FRAS1: variants seen among roughly 807,000 people sequenced by gnomAD.
FRAS1 encodes the protein extracellular matrix organizing protein FRAS1.
A neutral mutation model predicts 435.2 loss-of-function variants in FRAS1; 290 were observed. That is an observed-to-expected ratio of 0.67 (90% confidence interval 0.61 to 0.73). The LOEUF (loss-of-function observed/expected upper bound fraction) is 0.73, where lower values mean the gene tolerates loss of function less well. Among genes scored for constraint, FRAS1 ranks in the 30% least tolerant of loss-of-function variants. The pLI is 0.00. For synonymous variants in FRAS1, 1,800 were observed against 1,851.0 expected, an observed-to-expected ratio of 0.97 and a Z score of 0.71; for missense variants, 4,860 against 5,001.5, an observed-to-expected ratio of 0.97 and a Z score of 0.85.
intron 2 of FRAS1, among the ~76,000 whole-genome samples, chr4:78,193,900 T>C (rs12640251): frequency 0.67 from 101,993 of 151,388 alleles, 34,550 homozygotes; most frequent in African/African-American, 0.73. Context: ...GTTTTTGCAG[T>C]GGCTGGTACT....
intron 20 of FRAS1, among the ~76,000 whole-genome samples, chr4:78,343,698 T>A (rs927629083): frequency 1.3e-5 from 2 of 152,180 alleles, no homozygotes; most frequent in African/African-American, 4.8e-5. Flanking sequence ...ACATCTTTAT[T>A]TTGGAATAAG....
intron 2 of FRAS1, among the ~76,000 whole-genome samples, chr4:78,137,683 G>C (rs1189078466): frequency 6.6e-6 from 1 of 152,200 alleles, no homozygotes; most frequent in Non-Finnish European, 1.5e-5. Flanking sequence ...CTCTGTGAAG[G>C]AGAGATGAAT....
At chr4:78,354,393 G>A (rs895310558) in intron 20 of FRAS1, among the ~76,000 whole-genome samples, 3 of 152,180 alleles carry the variant, frequency 2.0e-5, no homozygotes, top group Non-Finnish European at 4.4e-5. Flanking sequence ...CTAATTCAAA[G>A]CCTCTAAAGA....
intron 9 of FRAS1, among the ~76,000 whole-genome samples, chr4:78,275,171 A>G (rs968333289): frequency 5.9e-5 from 9 of 152,042 alleles, no homozygotes; most frequent in African/African-American, 2.2e-4. Flanking sequence ...TGCTTGGTAG[A>G]TCTTCCTCCA....
At chr4:78,309,924 G>A (rs898805293) in intron 15 of FRAS1, among the ~76,000 whole-genome samples, 9 of 152,136 alleles carry the variant, frequency 5.9e-5, no homozygotes, top group East Asian at 3.9e-4. Context: ...TTGAGTTATC[G>A]TCCTCATTTT....
At chr4:78,268,577 A>G (rs905120878) in intron 9 of FRAS1, among the ~76,000 whole-genome samples, 15 of 152,194 alleles carry the variant, frequency 9.9e-5, no homozygotes, top group Admixed American at 9.2e-4. Context: ...CATTTTATTA[A>G]GGACTTAATT....
rs1719031324 is a variant in FRAS1 at position 78,451,836 on chromosome 4, G to C, written c.6528G>C (p.Val2176=). 1.9e-6 allele frequency: 3 copies of C among 1,612,902 alleles called. No individual in the cohort carries two copies. The highest frequency in any genetic ancestry group is 3.3e-5 in the Admixed American group (2 of 59,968). The stretch of plus-strand genomic sequence containing the variant: ...GGAGCTTTGCTTTTAAATTTGATGT[G>C]GTTGATGGAGAAGGCAACAGATTGA... ...PGGSFAFKFD[V]VDGEGNRLID... Residue 2176 remains valine, a synonymous_variant, in exon 46 of 74, where the codon GTG becomes GTC. Coordinates refer to ENST00000512123, the MANE Select transcript of FRAS1 (RefSeq NM_025074.7).
intron 33 of FRAS1, among the ~76,000 whole-genome samples, chr4:78,420,421 T>A (rs1025964886): frequency 2.6e-5 from 3 of 115,662 alleles, no homozygotes; most frequent in African/African-American, 8.4e-5. Flanking sequence ...GGTGAATTAG[T>A]TCAACATCAA....
rs1250205961 is a variant in FRAS1, at chr4:78,508,878, G to A, written c.9652G>A (p.Glu3218Lys). 1 of 1,613,924 alleles carries A rather than the reference G, an allele frequency of 6.2e-7. No homozygotes were observed. Among genetic ancestry groups the A allele is most frequent in the Admixed American group, 1.7e-5 (1 of 60,004 alleles). Residue 3218 changes from glutamate to lysine, a missense_variant, in exon 63 of 74, where the codon GAG becomes AAG. Glu to Lys is a moderately conservative substitution (Grantham distance 56). Coordinates refer to ENST00000512123, the MANE Select transcript of FRAS1 (RefSeq NM_025074.7). ...RYAVMKERCS[E>K]AGINQTSVQF... ...CGCTGTCATGAAGGAGCGCTGCAGT[G>A]AGGCCGGCATCAACCAGACATCTGT...
At chr4:78,368,657 T>G (rs1296902100) in intron 22 of FRAS1, among the ~76,000 whole-genome samples, 1 of 152,166 alleles carries the variant, frequency 6.6e-6, no homozygotes, top group East Asian at 1.9e-4. Flanking sequence ...GTTAATCAAA[T>G]AATCACTCAA....
At chr4:78,133,188 A>G (rs977662232) in intron 2 of FRAS1, among the ~76,000 whole-genome samples, 2 of 152,240 alleles carry the variant, frequency 1.3e-5, no homozygotes, top group African/African-American at 2.4e-5. Context: ...CTATTTGGCC[A>G]TAAGAATGAG....
At chr4:78,112,846 CT>C (rs888970913) in intron 2 of FRAS1, among the ~76,000 whole-genome samples, 9 of 151,090 alleles carry the variant, frequency 6.0e-5, no homozygotes, top group Admixed American at 2.0e-4. Flanking sequence ...TTTTATTATA[CT>C]TTAAGTTTTA....
chr4:78,343,819 C>T (rs960483745), intron 20 of FRAS1, among the ~76,000 whole-genome samples: 1 of 152,208 alleles, frequency 6.6e-6, no homozygotes, highest in African/African-American at 2.4e-5. Context: ...CTCTCTGTCT[C>T]CCCTCCAGAC....
At chr4:78,519,983 G>A (rs147874055) in intron 67 of FRAS1, among the ~76,000 whole-genome samples, 7 of 152,256 alleles carry the variant, frequency 4.6e-5, no homozygotes, top group Admixed American at 2.6e-4. Flanking sequence ...TTAACCTTCC[G>A]AAGTCAAGGG....
intron 17 of FRAS1, among the ~76,000 whole-genome samples, chr4:78,318,586 C>T (rs189469128): frequency 3.3e-5 from 5 of 152,240 alleles, no homozygotes; most frequent in African/African-American, 9.6e-5. Context: ...TTGTCTAGCC[C>T]GACAGCCCTT....
intron 18 of FRAS1, among the ~76,000 whole-genome samples, chr4:78,322,402 G>A (rs1423247068): frequency 3.3e-5 from 5 of 152,132 alleles, no homozygotes; most frequent in East Asian, 1.9e-4. Flanking sequence ...GAGTGTGTGC[G>A]CACATATGCA....
intron 2 of FRAS1, chr4:78,181,194 C>T (rs1721985367): frequency 8.1e-6 from 13 of 1,608,034 alleles, no homozygotes; most frequent in Non-Finnish European, 8.5e-7. Flanking sequence ...TTTGCCCGGT[C>T]CTTATTTTGA....
At chr4:78,279,389 G>T (rs1454894) in intron 10 of FRAS1, among the ~76,000 whole-genome samples, 2 of 152,116 alleles carry the variant, frequency 1.3e-5, no homozygotes, top group Non-Finnish European at 2.9e-5. Flanking sequence ...CTGGGCTCTC[G>T]CTTAACTCAT....
chr4:78,381,923 A>G (rs1732036910), intron 27 of FRAS1, among the ~76,000 whole-genome samples: 1 of 152,274 alleles, frequency 6.6e-6, no homozygotes, highest in Admixed American at 6.5e-5. Context: ...AATGAGAAGA[A>G]TAATAAAACG....
Sources: gnomAD v4.1 joint callset for allele counts (sites outside exome capture counted in the v4.1 genomes callset) on GRCh38, gnomAD v4.1.1 for gene constraint, MANE v1.5 for transcripts, NCBI Gene and HGNC (gene_info 2026-07-23, HGNC 2026-07-21) for gene names.